EHMT1: variants seen among roughly 807,000 people sequenced by gnomAD.
EHMT1 encodes the protein euchromatic histone lysine methyltransferase 1, also known as histone-lysine N-methyltransferase EHMT1.
A neutral mutation model predicts 147.2 loss-of-function variants in EHMT1; 15 were observed. The observed-to-expected ratio is 0.10, with a 90% CI of 0.07 to 0.16. The LOEUF (loss-of-function observed/expected upper bound fraction) is 0.16. EHMT1 is among the 10% of genes least tolerant of loss of function. The probability of loss-of-function intolerance (pLI) is 1.00; values close to 1 mark genes in which losing one functional copy is unlikely to be tolerated. For missense variants in EHMT1, 1,587 were observed against 1,772.4 expected (o/e 0.90, Z 1.88); for synonymous variants, 795 against 709.6 (o/e 1.12, Z -1.91).
intron 1 of EHMT1, among the ~76,000 whole-genome samples, chr9:137,694,974 A>C (rs73568112): frequency 0.015 from 2,244 of 152,352 alleles, 51 homozygotes; most frequent in African/African-American, 0.051. Context: ...CCCTTAGAGC[A>C]CATACCCTCT....
In EHMT1 at chr9:137,776,203, C is replaced by T. The variant is rs1950944890; in HGVS notation, c.1792-415C>T. Among the ~76,000 whole-genome samples, 1 of 152,192 alleles carries T rather than the reference C, an allele frequency of 6.6e-6. No individual in the cohort carries two copies. On this transcript the variant is annotated intron_variant, in intron 11 of 26. Coordinates refer to ENST00000460843, the MANE Select transcript of EHMT1 (RefSeq NM_024757.5). The surrounding 1 kb of genome is among the most constrained non-coding windows in gnomAD (Gnocchi z 4.4). ...CTCGAGGCTCACCTGGGTCGCCAAA[C>T]CACATCTGCTGCGCACTGCTGGGCA... is the stretch of plus-strand genomic sequence containing the variant.
In EHMT1 at chr9:137,762,580, G is replaced by A. The variant is rs964160901; in HGVS notation, c.1502-95G>A. 9.4e-6 allele frequency: 15 copies of A among 1,591,670 alleles called. 1 individual carries two copies. Among genetic ancestry groups the A allele is most frequent in the South Asian group, 4.5e-5 (4 of 88,898 alleles). ...AACCGCATTGCTTTCATTTCCTGGCGTGTGAGATCACTGTTGAGACTATAA... is the reference window on the plus strand; with the variant it reads ...AACCGCATTGCTTTCATTTCCTGGCATGTGAGATCACTGTTGAGACTATAA... On this transcript the variant is annotated intron_variant, in intron 9 of 26. Transcript: ENST00000460843.
intron 4 of EHMT1, among the ~76,000 whole-genome samples, chr9:137,735,941 T>A (rs1051032065): frequency 5.3e-5 from 8 of 152,140 alleles, no homozygotes; most frequent in African/African-American, 1.9e-4. Flanking sequence ...TATTAAACTT[T>A]CCAGCCACCA....
At position 137,787,203 on chromosome 9, in the gene EHMT1, ATC is replaced by A. The variant is rs984455942; in HGVS notation, c.2383-3640_2383-3639del. On this transcript the variant is annotated intron_variant, in intron 15 of 26. Transcript: ENST00000460843. The surrounding 1 kb of genome is among the most constrained non-coding windows in gnomAD (Gnocchi z 4.2). Reference sequence around the variant, plus strand: ...GTTTTCATCGGTCTGCTCTTCTGTCATCTCTCATTAAAAAAAAATGTTGTAAA... The same window carrying A: ...GTTTTCATCGGTCTGCTCTTCTGTCATCTCATTAAAAAAAAATGTTGTAAA... 3.3e-5 allele frequency: 5 copies of A among 152,232 alleles called. No homozygotes were observed. Among genetic ancestry groups the A allele is most frequent in the African/African-American group, 7.3e-5 (3 of 41,304 alleles). The allele number at this position is 152,232 out of a possible 1,614,324, so 9.4% of individuals were successfully genotyped here.
At chr9:137,753,903 A>G (rs1346664946) in intron 7 of EHMT1, among the ~76,000 whole-genome samples, 1 of 152,096 alleles carries the variant, frequency 6.6e-6, no homozygotes, top group African/African-American at 2.4e-5. Context: ...TTATTCTTTT[A>G]TGCCAAACTC....
chr9:137,636,053 T>C (rs1564526562), intron 1 of EHMT1, among the ~76,000 whole-genome samples: 1 of 151,032 alleles, frequency 6.6e-6, no homozygotes, highest in Non-Finnish European at 1.5e-5. Context: ...TCCTGAGTAG[T>C]TGGGATTACA....
chr9:137,799,010 C>T (rs1321947357), intron 17 of EHMT1, 96 bp downstream of exon 17: 35 of 1,039,698 alleles, frequency 3.4e-5, no homozygotes, highest in East Asian at 2.2e-4. Context: ...TTCTCCATGG[C>T]GTCCCCTCCC....
At chr9:137,677,657 A>T (rs146069292) in intron 1 of EHMT1, among the ~76,000 whole-genome samples, 4 of 152,120 alleles carry the variant, frequency 2.6e-5, no homozygotes, top group Non-Finnish European at 5.9e-5. Context: ...TTTTTAATGA[A>T]GGGGGTACAC....
chr9:137,690,981 G>T (rs1312830299), intron 1 of EHMT1, among the ~76,000 whole-genome samples: 2 of 152,210 alleles, frequency 1.3e-5, no homozygotes, highest in Non-Finnish European at 2.9e-5. Flanking sequence ...CCATTTTTAA[G>T]TATAAAGCTC....
At chr9:137,693,532 CACTT>C (rs891879854) in intron 1 of EHMT1, among the ~76,000 whole-genome samples, 6 of 152,100 alleles carry the variant, frequency 3.9e-5, no homozygotes, top group East Asian at 1.9e-4. Context: ...CTTTGCCTGT[CACTT>C]ACCCACCACG....
chr9:137,749,179 A>G (rs530556769), intron 6 of EHMT1, among the ~76,000 whole-genome samples: 1 of 152,098 alleles, frequency 6.6e-6, no homozygotes, highest in African/African-American at 2.4e-5. Flanking sequence ...AGATGTGGGA[A>G]GCTCCTGGCC....
chr9:137,834,053 C>T, intron 25 of EHMT1: 1 of 498,080 alleles, frequency 2.0e-6, no homozygotes, highest in Non-Finnish European at 3.7e-6. Flanking sequence ...GTCCACATTC[C>T]ACCGCGCTGG....
At chr9:137,816,534 A>G in intron 23 of EHMT1, 1 of 234,338 alleles carries the variant, frequency 4.3e-6, no homozygotes, top group African/African-American at 2.3e-5. Flanking sequence ...CTCATGGAGT[A>G]AGGCTTGCCC....
At chr9:137,709,794 G>A (rs1359338695) in intron 1 of EHMT1, among the ~76,000 whole-genome samples, 2 of 152,074 alleles carry the variant, frequency 1.3e-5, no homozygotes, top group Non-Finnish European at 2.9e-5. Context: ...TTGTGGACTC[G>A]GAGCACCAAG....
chr9:137,753,476 C>T (rs1361861090), intron 7 of EHMT1, among the ~76,000 whole-genome samples: 1 of 152,222 alleles, frequency 6.6e-6, no homozygotes, highest in African/African-American at 2.4e-5. Context: ...CGGTACCGTC[C>T]TCACGTGGGA....
At chr9:137,754,518 AT>A (rs529662316) in intron 8 of EHMT1, among the ~76,000 whole-genome samples, 25 of 147,340 alleles carry the variant, frequency 1.7e-4, no homozygotes, top group African/African-American at 2.2e-4. Context: ...TTTTAATTTA[AT>A]TTTTTTTTTT....
Position 137,808,089 on chromosome 9 carries a change from C to CT in EHMT1, c.2713-3371dup, listed in dbSNP as rs1564800838. Among the ~76,000 whole-genome samples the CT allele has an allele frequency of 5.3e-5, 8 of 152,316 alleles. No homozygotes were observed. The South Asian group carries it at 1.7e-3, about 32-fold the overall frequency. On this transcript the variant is annotated intron_variant, in intron 18 of 26. Coordinates refer to ENST00000460843, the MANE Select transcript of EHMT1 (RefSeq NM_024757.5). The stretch of plus-strand genomic sequence containing the variant: ...TGCTTTTCAGGTTTGTTAGGTGGGT[C>CT]TGGAGCCACCGAGGCAGGTCCGTCC...
chr9:137,625,924 C>T (rs1044089573), intron 1 of EHMT1, among the ~76,000 whole-genome samples: 6 of 151,040 alleles, frequency 4.0e-5, no homozygotes, highest in South Asian at 2.1e-4. Context: ...GGGGCGATCT[C>T]GGCTCACTGC....
At chr9:137,764,757 A>G (rs1950103587) in intron 10 of EHMT1, 1 of 152,194 alleles carries the variant, frequency 6.6e-6, no homozygotes, top group Non-Finnish European at 1.5e-5. Context: ...CCACTCATTA[A>G]ATCAATCTGC....
Sources: gnomAD v4.1 joint callset for allele counts (sites outside exome capture counted in the v4.1 genomes callset) on GRCh38, gnomAD v4.1.1 for gene constraint, Gnocchi (gnomAD v3.1) non-coding constraint, MANE v1.5 for transcripts, NCBI Gene and HGNC (gene_info 2026-07-23, HGNC 2026-07-21) for gene names.